ATG2B: variants seen among roughly 807,000 people sequenced by gnomAD.
ATG2B encodes the protein autophagy related 2B, also known as autophagy-related protein 2 homolog B.
A neutral mutation model predicts 241.3 loss-of-function variants in ATG2B; 121 were observed. That is an observed-to-expected ratio of 0.50 (90% CI 0.43 to 0.58). The LOEUF is 0.58. Ranked by LOEUF, ATG2B falls within the 20% of genes least tolerant of loss-of-function variation. ATG2B has a pLI of 0.00. For missense variants in ATG2B, 2,306 were observed against 2,491.6 expected (o/e 0.93, Z 1.59); for synonymous variants, 858 against 876.6 (o/e 0.98, Z 0.37).
At chr14:96,317,971 G>A in intron 18 of ATG2B, 116 bp from the exon 19 acceptor site, 1 of 677,746 alleles carries the variant, frequency 1.5e-6, no homozygotes, top group Non-Finnish European at 2.4e-6. Context: ...ACGGCAAAAT[G>A]GAAATTAGAT....
chr14:96,308,231 C>CATATATATATATATATAT (rs1181364234), intron 29 of ATG2B, among the ~76,000 whole-genome samples: 1 of 17,602 alleles, frequency 5.7e-5, no homozygotes, highest in Admixed American at 8.6e-4. Flanking sequence ...TATATATATA[C>CATATATATATATATATAT]ATATATATAT....
chr14:96,329,689 C>T, intron 11 of ATG2B, 55 bp from the exon 12 acceptor site: 1 of 1,208,058 alleles, frequency 8.3e-7, no homozygotes, highest in Non-Finnish European at 1.2e-6. Context: ...TAACAATTAT[C>T]CACCTAGTCT....
At chr14:96,340,870 A>G (rs1888014440) in intron 6 of ATG2B, among the ~76,000 whole-genome samples, 1 of 147,798 alleles carries the variant, frequency 6.8e-6, no homozygotes, top group Admixed American at 6.8e-5. Flanking sequence ...GTGAGCCAAG[A>G]TCTTGTCACT....
At chr14:96,287,453 A>C (rs1886370305) in intron 41 of ATG2B, among the ~76,000 whole-genome samples, 1 of 152,154 alleles carries the variant, frequency 6.6e-6, no homozygotes, top group African/African-American at 2.4e-5. Flanking sequence ...ACAGGAGTAG[A>C]TGAGTAGAGT....
intron 15 of ATG2B, 58 bp downstream of exon 15, chr14:96,325,589 GTT>G: frequency 1.3e-6 from 2 of 1,487,344 alleles, no homozygotes; most frequent in Non-Finnish European, 1.8e-6. Context: ...GTGATGTTAA[GTT>G]TCAGTAGCAG....
chr14:96,336,445 T>C (rs1203110413), intron 6 of ATG2B, among the ~76,000 whole-genome samples: 1 of 152,210 alleles, frequency 6.6e-6, no homozygotes, highest in East Asian at 1.9e-4. Flanking sequence ...CTTCTAAATA[T>C]TAAATATTGG....
rs758640578 is a variant in ATG2B at position 96,295,566 on chromosome 14, A to T, written c.5140-6T>A. 1 of 1,579,794 alleles carries T rather than the reference A, an allele frequency of 6.3e-7. No individual in the cohort carries two copies. The highest frequency in any genetic ancestry group is 1.9e-5 in the Admixed American group (1 of 53,166). Reference sequence around the variant, plus strand: ...TTCAGGAAGAACAAAGCATCCTAAAATTAAGAGATGTAATTTTAACTAAGG... The same window carrying T: ...TTCAGGAAGAACAAAGCATCCTAAATTTAAGAGATGTAATTTTAACTAAGG... On this transcript the variant is annotated splice_polypyrimidine_tract_variant and splice_region_variant and intron_variant, in intron 34 of 41. Coordinates refer to ENST00000359933, the MANE Select transcript of ATG2B (RefSeq NM_018036.7).
intron 29 of ATG2B, among the ~76,000 whole-genome samples, chr14:96,307,427 A>C (rs1025885142): frequency 1.1e-4 from 16 of 148,518 alleles, no homozygotes; most frequent in Middle Eastern, 3.2e-3. Context: ...AAACAAACAA[A>C]CAAAAAACAA....
Position 96,306,588 on chromosome 14 carries a change from TAAAAAAAAAAAAGTAACTC to T in ATG2B, c.4506+107_4506+125del, listed in dbSNP as rs1886955565. 1.5e-5 allele frequency: 10 copies of T among 657,662 alleles called. No individual in the cohort carries two copies. In the South Asian group the frequency reaches 2.4e-4, roughly 15 times the overall value. 40.7% of individuals were successfully genotyped at this position (657,662 alleles called of 1,614,324 possible). A position where few individuals can be genotyped will look rare whatever the true frequency, so the allele number is the denominator to read the frequency against. On this transcript the variant is annotated intron_variant, in intron 30 of 41. Transcript: ENST00000359933. ...CATTCACCAACTGTCAATAGTATAT[TAAAAAAAAAAAAGTAACTC>T]TGAACTATAAAGAATTTACAAAATC...
intron 20 of ATG2B, 79 bp downstream of exon 20, chr14:96,317,066 A>T: frequency 7.8e-7 from 1 of 1,287,166 alleles, no homozygotes; most frequent in Non-Finnish European, 1.1e-6. Context: ...CAAATACTTC[A>T]ATCACTAGAT....
chr14:96,324,091 A>T, intron 15 of ATG2B, 93 bp from the exon 16 acceptor site: 1 of 794,322 alleles, frequency 1.3e-6, no homozygotes, highest in East Asian at 2.7e-5. Context: ...CAGGAACATA[A>T]TGCAACCTTA....
rs1038420024 is a variant in ATG2B at position 96,328,736 on chromosome 14, C to T, written c.1912G>A (p.Gly638Ser). 1.2e-6 allele frequency: 2 copies of T among 1,611,458 alleles called. No homozygotes were observed. The highest frequency in any genetic ancestry group is 1.1e-5 in the South Asian group (1 of 90,264). Reference protein sequence around the residue: ...LLTFHSKEETGSHSPVCLQLH... With the variant: ...LLTFHSKEETSSHSPVCLQLH... ...TGAAGACACACAGGGGAATGGGAAC[C>T]AGTTTCTTCTTTGGAATGGAACGTT... Residue 638 changes from glycine (G) to serine (S), a missense_variant, in exon 13 of 42, where the codon GGT becomes AGT. Around this residue, in one of 2 missense-constraint regions of ATG2B, gnomAD observed 1,927 missense variants for 2,011.2 expected, o/e 0.96. Transcript: ENST00000359933.
chr14:96,293,805 G>GTA (rs892278974), intron 36 of ATG2B, among the ~76,000 whole-genome samples: 1 of 151,974 alleles, frequency 6.6e-6, no homozygotes, highest in African/African-American at 2.4e-5. Flanking sequence ...TATAGGGCTT[G>GTA]TGTACTTTTT....
At chr14:96,313,925 CTTA>C (rs1887232936) in intron 23 of ATG2B, among the ~76,000 whole-genome samples, 1 of 152,120 alleles carries the variant, frequency 6.6e-6, no homozygotes, top group African/African-American at 2.4e-5. Context: ...AATCTGGCTT[CTTA>C]TATAACTCAT....
Position 96,290,753 on chromosome 14 carries a change from GA to G in ATG2B, c.5701+60del, listed in dbSNP as rs1190884014. On this transcript the variant is annotated intron_variant, in intron 39 of 41. Transcript: ENST00000359933. The surrounding 1 kb of genome is among the most constrained non-coding windows in gnomAD (Gnocchi z 4.4). ...TGGTCCTCACATAAGTTCTCAAAGG[GA>G]TAAGAATTACTCATCTGAAAAAATA... The G allele has an allele frequency of 6.4e-7, 1 of 1,574,716 alleles. No individual in the cohort carries two copies. The highest frequency in any genetic ancestry group is 1.4e-5 in the African/African-American group (1 of 73,038).
intron 11 of ATG2B, 151 bp downstream of exon 11, chr14:96,331,225 C>T: frequency 1.3e-6 from 1 of 771,198 alleles, no homozygotes; most frequent in South Asian, 1.9e-5. Context: ...TGCAAGAAAA[C>T]TTCACTCATT....
chr14:96,358,463 T>C (rs1047797134), intron 1 of ATG2B, among the ~76,000 whole-genome samples: 2 of 152,118 alleles, frequency 1.3e-5, no homozygotes, highest in African/African-American at 4.8e-5. Flanking sequence ...AAAAAACTGA[T>C]AAATGTTAAC....
chr14:96,333,964 G>A, intron 7 of ATG2B, 91 bp from the exon 8 acceptor site: 6 of 1,106,202 alleles, frequency 5.4e-6, no homozygotes, highest in Non-Finnish European at 8.1e-6. Context: ...GAACAACAAT[G>A]GCAACTTAAC....
chr14:96,362,667 C>G, intron 1 of ATG2B, 148 bp downstream of exon 1: 2 of 787,694 alleles, frequency 2.5e-6, no homozygotes. Flanking sequence ...TTAAACAACA[C>G]TCTAACACAT....
Sources: allele counts gnomAD v4.1 joint callset (sites outside exome capture counted in the v4.1 genomes callset), GRCh38; gene constraint gnomAD v4.1.1; regional missense constraint gnomAD v4.1.1; non-coding constraint Gnocchi (gnomAD v3.1); transcripts MANE v1.5; gene names NCBI Gene and HGNC (gene_info 2026-07-23, HGNC 2026-07-21).